Variants in MALRD1 observed in about 807,000 individuals in gnomAD.
MALRD1 encodes MAM and LDL receptor class A domain containing 1.
MALRD1 carries 247 observed loss-of-function variants against 242.1 expected under a neutral mutation model. The ratio of observed to expected loss-of-function variants is 1.02; its 90% confidence interval spans 0.92 to 1.13. The LOEUF is 1.13. MALRD1 is among the 50% of genes most tolerant of loss of function. The pLI is 0.00. For missense variants in MALRD1, 2,989 were observed against 2,533.1 expected, an observed-to-expected ratio of 1.18 and a Z score of -3.86; for synonymous variants, 995 against 866.6, an observed-to-expected ratio of 1.15 and a Z score of -2.60.
Position 19,048,828 on chromosome 10 carries a change from C to A in MALRD1, c.-111C>A, listed in dbSNP as rs899043165. The A allele has an allele frequency of 2.6e-6, 2 of 775,616 alleles. No homozygotes were observed. Among genetic ancestry groups the A allele is most frequent in the Admixed American group, 4.3e-5 (1 of 23,148 alleles). 48.0% of individuals were successfully genotyped at this position (775,616 alleles called of 1,614,324 possible). A position where few individuals can be genotyped will look rare whatever the true frequency, so the allele number is the denominator to read the frequency against. ...AGTTGCAGATAGTTACCAATAGTAT[C>A]CAGTTATAAGAAGCAAATCTGGGAA... On this transcript the variant is annotated 5_prime_UTR_variant, in exon 1 of 40. Transcript: ENST00000454679.
At chr10:19,712,680 G>C (rs2131877523) in intron 38 of MALRD1, among the ~76,000 whole-genome samples, 1 of 152,250 alleles carries the variant, frequency 6.6e-6, no homozygotes, top group African/African-American at 2.4e-5. Context: ...AAAAATTATG[G>C]TGAGTTTTCA....
intron 7 of MALRD1, among the ~76,000 whole-genome samples, chr10:19,125,290 T>TTTCTTTCTTTCTTTCC (rs1564407720): frequency 1.4e-5 from 1 of 69,104 alleles, no homozygotes; most frequent in Non-Finnish European, 2.7e-5. Context: ...TCTTTCTTTC[T>TTTCTTTCTTTCTTTCC]TTCCTTCCTT....
At chr10:19,146,597 G>A (rs529392940) in intron 11 of MALRD1, among the ~76,000 whole-genome samples, 1 of 152,138 alleles carries the variant, frequency 6.6e-6, no homozygotes, top group Non-Finnish European at 1.5e-5. Flanking sequence ...AGGTGGAAAA[G>A]TTTTCTGATC....
chr10:19,719,223 C>CAT (rs368394538), intron 38 of MALRD1, among the ~76,000 whole-genome samples: 4,712 of 76,022 alleles, frequency 0.062, 294 homozygotes, highest in Non-Finnish European at 0.078. Flanking sequence ...CACATACATA[C>CAT]ATATATATAT....
chr10:19,634,311 T>A (rs764383884), intron 36 of MALRD1, among the ~76,000 whole-genome samples: 4 of 152,178 alleles, frequency 2.6e-5, no homozygotes, highest in African/African-American at 9.7e-5. Context: ...CTCACCTACT[T>A]AGTCGATGAT....
At chr10:19,571,598 A>G (rs11010436) in intron 33 of MALRD1, among the ~76,000 whole-genome samples, 103,578 of 152,076 alleles carry the variant, frequency 0.68, 39,644 homozygotes, top group Non-Finnish European at 0.84. Context: ...CAGTTTTCCA[A>G]TGAAATATAG....
At chr10:19,423,769 A>G (rs1356592746) in intron 28 of MALRD1, among the ~76,000 whole-genome samples, 1 of 152,136 alleles carries the variant, frequency 6.6e-6, no homozygotes, top group African/African-American at 2.4e-5. Context: ...TGGCAGATTC[A>G]TGTCACCCTG....
chr10:19,727,251 A>T (rs1835069541), intron 38 of MALRD1, among the ~76,000 whole-genome samples: 1 of 152,172 alleles, frequency 6.6e-6, no homozygotes, highest in South Asian at 2.1e-4. Flanking sequence ...CCTCGAAGTC[A>T]TGTTTACTGG....
chr10:19,692,489 A>AT lies in MALRD1; in HGVS notation c.6251dup (p.Leu2085ProfsTer28), dbSNP rs1220308338. 43 of 1,535,792 alleles carry AT rather than the reference A, an allele frequency of 2.8e-5. No individual in the cohort carries two copies. Among genetic ancestry groups the AT allele is most frequent in the Non-Finnish European group, 3.1e-5 (36 of 1,146,588 alleles). On this transcript the variant is annotated frameshift_variant, in exon 38 of 40. Transcript: ENST00000454679. LOFTEE classifies it high-confidence loss of function. ...GGACTCTCCTGGGTATTGGATTAGC[A>AT]TTCCTGATGACTCACATCACAGTTG...
At chr10:19,128,814 G>T (rs1485176584) in intron 8 of MALRD1, among the ~76,000 whole-genome samples, 1 of 152,024 alleles carries the variant, frequency 6.6e-6, no homozygotes, top group Non-Finnish European at 1.5e-5. Flanking sequence ...GGTAATTATT[G>T]ATTAAATATT....
At chr10:19,627,376 C>T (rs191707449) in intron 36 of MALRD1, among the ~76,000 whole-genome samples, 21 of 151,954 alleles carry the variant, frequency 1.4e-4, no homozygotes, top group African/African-American at 4.8e-4. Context: ...TAAAAGTATT[C>T]AGTGTGGTAA....
chr10:19,139,152 C>T (rs1833455586), intron 10 of MALRD1, among the ~76,000 whole-genome samples: 1 of 151,950 alleles, frequency 6.6e-6, no homozygotes, highest in Admixed American at 6.6e-5. Flanking sequence ...AATATATATA[C>T]AATTATGTAT....
At chr10:19,715,179 C>A (rs1367090864) in intron 38 of MALRD1, among the ~76,000 whole-genome samples, 1 of 152,014 alleles carries the variant, frequency 6.6e-6, no homozygotes, top group African/African-American at 2.4e-5. Flanking sequence ...ACTGACCATT[C>A]TCAAACATTT....
chr10:19,395,807 T>C (rs1022032106), intron 28 of MALRD1, among the ~76,000 whole-genome samples: 2 of 152,232 alleles, frequency 1.3e-5, no homozygotes, highest in Non-Finnish European at 2.9e-5. Context: ...TGTGAGATTT[T>C]TCTTTTAAAC....
intron 36 of MALRD1, among the ~76,000 whole-genome samples, chr10:19,650,672 T>C (rs542573051): frequency 6.6e-6 from 1 of 152,234 alleles, no homozygotes; most frequent in African/African-American, 2.4e-5. Context: ...GATAGGGAGT[T>C]TCTCAATTAT....
At position 19,287,275 on chromosome 10, in the gene MALRD1, C is replaced by G. The variant is rs193293873; in HGVS notation, c.3419+4094C>G. ...TTAGGGATTGGTTATAGGTGCTAGTCCATATTTATAAAAGAATATATAGTC... is the reference window on the plus strand; with the variant it reads ...TTAGGGATTGGTTATAGGTGCTAGTGCATATTTATAAAAGAATATATAGTC... On this transcript the variant is annotated intron_variant, in intron 21 of 39. Transcript: ENST00000454679. 1.6e-4 allele frequency among the ~76,000 whole-genome samples: 25 copies of G among 152,150 alleles called. No homozygotes were observed. The East Asian group carries it at 4.6e-3, about 28-fold the overall frequency.
At chr10:19,482,271 A>C (rs1365003974) in intron 29 of MALRD1, among the ~76,000 whole-genome samples, 1 of 152,046 alleles carries the variant, frequency 6.6e-6, no homozygotes, top group African/African-American at 2.4e-5. Flanking sequence ...CAAATTAAAA[A>C]CTTTTGAAAC....
chr10:19,530,713 C>T (rs981100008), intron 31 of MALRD1, among the ~76,000 whole-genome samples: 1 of 151,414 alleles, frequency 6.6e-6, no homozygotes, highest in East Asian at 1.9e-4. Context: ...AGTGTATTAC[C>T]CAGAAAAAGC....
At chr10:19,080,950 C>A (rs970144761) in intron 2 of MALRD1, among the ~76,000 whole-genome samples, 1 of 151,870 alleles carries the variant, frequency 6.6e-6, no homozygotes, top group African/African-American at 2.4e-5. Context: ...AAAAAGTGGG[C>A]AAAGGACATG....
Sources: allele counts gnomAD v4.1 joint callset (sites outside exome capture counted in the v4.1 genomes callset), GRCh38; gene constraint gnomAD v4.1.1; transcripts MANE v1.5; gene names NCBI Gene and HGNC (gene_info 2026-07-23, HGNC 2026-07-21).